Variants in RBFOX1 observed in about 807,000 individuals in gnomAD.
The protein encoded by RBFOX1 is RNA binding fox-1 homolog 1, also known as RNA binding protein fox-1 homolog 1.
RBFOX1 carries 8 observed loss-of-function variants against 57.7 expected under a neutral mutation model. The observed-to-expected ratio is 0.14, with a 90% CI of 0.08 to 0.25. The LOEUF (loss-of-function observed/expected upper bound fraction) is 0.25, where lower values mean the gene tolerates loss of function less well. Ranked by LOEUF, RBFOX1 falls within the 10% of genes least tolerant of loss-of-function variation. The pLI is 1.00. For missense variants in RBFOX1, 611 were observed against 548.5 expected (o/e 1.11, Z -1.14); for synonymous variants, 326 against 222.4 (o/e 1.47, Z -4.15).
chr16:5,418,453 G>A lies in RBFOX1; in HGVS notation c.220-48763G>A, dbSNP rs114742893. ...AGTGCAAATGTAATGACTGAATTAC[G>A]CCAGGAAAGACCAAATTATTGGTTA... On this transcript the variant is annotated intron_variant, in intron 1 of 2. Coordinates refer to the RBFOX1 transcript ENST00000585867. Among the ~76,000 whole-genome samples the A allele has an allele frequency of 2.9e-3, 444 of 152,212 alleles. 3 individuals are homozygous for A. Among genetic ancestry groups the A allele is most frequent in the African/African-American group, 0.01 (417 of 41,536 alleles).
At chr16:5,960,914 A>G (rs2059734801) in intron 4 of RBFOX1, among the ~76,000 whole-genome samples, 1 of 152,232 alleles carries the variant, frequency 6.6e-6, no homozygotes, top group African/African-American at 2.4e-5. Context: ...CCCATTAAAC[A>G]GAAGGTGGAA....
chr16:7,446,288 C>G (rs1329038150), intron 4 of RBFOX1, among the ~76,000 whole-genome samples: 3 of 152,130 alleles, frequency 2.0e-5, no homozygotes, highest in African/African-American at 7.2e-5. Context: ...GATTGAGTTG[C>G]TTGTCACTTG....
At position 6,206,782 on chromosome 16, in the gene RBFOX1, C is replaced by T. The variant is rs1296446047; in HGVS notation, c.-126-110213C>T. Among the ~76,000 whole-genome samples the T allele has an allele frequency of 2.6e-5, 4 of 152,268 alleles. No individual in the cohort carries two copies. The East Asian group carries it at 7.7e-4, about 29-fold the overall frequency. ...CAGAAGGTGCAGCAGGCTCTCCCTC[C>T]CTTTTACTTTAATGGTGGGTGATTT... On this transcript the variant is annotated intron_variant, in intron 1 of 15. Coordinates refer to ENST00000550418, the MANE Select transcript of RBFOX1 (RefSeq NM_018723.4).
At chr16:7,117,366 C>A (rs1054707055) in intron 4 of RBFOX1, among the ~76,000 whole-genome samples, 7 of 152,112 alleles carry the variant, frequency 4.6e-5, no homozygotes, top group Admixed American at 2.6e-4. Context: ...ATGTGTTTTT[C>A]TGTAAAGTAT....
chr16:6,495,326 C>T (rs944239985), intron 2 of RBFOX1, among the ~76,000 whole-genome samples: 4 of 152,196 alleles, frequency 2.6e-5, no homozygotes, highest in South Asian at 2.1e-4. Flanking sequence ...ACCATGTTTT[C>T]CAGGCTGGTC....
At chr16:6,245,267 C>T (rs757126950) in intron 1 of RBFOX1, among the ~76,000 whole-genome samples, 15 of 151,948 alleles carry the variant, frequency 9.9e-5, no homozygotes, top group Admixed American at 2.0e-4. Context: ...TTCTTATTTG[C>T]GCTTTCTTGT....
chr16:7,273,208 T>TCCTTCCTC (rs2095368470), intron 4 of RBFOX1, among the ~76,000 whole-genome samples: 1 of 75,910 alleles, frequency 1.3e-5, no homozygotes, highest in Non-Finnish European at 2.5e-5. Context: ...CTCCCTCCCT[T>TCCTTCCTC]CCTTCCTTCC....
Position 6,895,123 on chromosome 16 carries a change from A to C in RBFOX1, c.-15-156934A>C, listed in dbSNP as rs189631954. On this transcript the variant is annotated intron_variant, in intron 3 of 15. Transcript: ENST00000550418. ...AAAGTCTGGTCCTCTTTTCCATAGA[A>C]GTTCAGTTCAGAGAAGCACCAAATC... Among the ~76,000 whole-genome samples, 787 of 152,240 alleles carry C rather than the reference A, an allele frequency of 5.2e-3. 6 individuals carry two copies. The highest frequency in any genetic ancestry group is 0.018 in the African/African-American group (754 of 41,550).
intron 3 of RBFOX1, among the ~76,000 whole-genome samples, chr16:5,794,521 T>C (rs2054811174): frequency 6.6e-6 from 1 of 152,066 alleles, no homozygotes; most frequent in Non-Finnish European, 1.5e-5. Context: ...CGTGTGTGTG[T>C]GTGTGTGTGG....
chr16:6,697,729 C>G (rs911826996), intron 3 of RBFOX1, among the ~76,000 whole-genome samples: 2 of 152,126 alleles, frequency 1.3e-5, no homozygotes, highest in African/African-American at 4.8e-5. Context: ...AAGAAACAGG[C>G]TGTTGTCCAA....
intron 3 of RBFOX1, among the ~76,000 whole-genome samples, chr16:6,892,412 A>G (rs567994194): frequency 4.6e-5 from 7 of 152,252 alleles, no homozygotes; most frequent in African/African-American, 1.7e-4. Flanking sequence ...GCTCACACCT[A>G]TAATTCCAGC....
At chr16:6,997,775 C>G (rs1478679675) in intron 3 of RBFOX1, among the ~76,000 whole-genome samples, 1 of 152,102 alleles carries the variant, frequency 6.6e-6, no homozygotes, top group African/African-American at 2.4e-5. Context: ...CTACAGACTA[C>G]TCAATTCCCT....
intron 4 of RBFOX1, among the ~76,000 whole-genome samples, chr16:7,189,586 C>CACACACACACACAG (rs1291219168): frequency 2.3e-4 from 33 of 146,022 alleles, no homozygotes; most frequent in African/African-American, 7.2e-4. Context: ...CACACACACA[C>CACACACACACACAG]ATACACACAC....
chr16:7,106,192 CTTTTT>C (rs1309271615), intron 4 of RBFOX1, among the ~76,000 whole-genome samples: 1 of 152,078 alleles, frequency 6.6e-6, no homozygotes, highest in African/African-American at 2.4e-5. Flanking sequence ...CCTGTGGGCT[CTTTTT>C]TGTTTTCGTG....
intron 3 of RBFOX1, among the ~76,000 whole-genome samples, chr16:6,837,639 C>G (rs1022641039): frequency 1.3e-5 from 2 of 152,174 alleles, no homozygotes; most frequent in Non-Finnish European, 2.9e-5. Flanking sequence ...CTCTCTAAGC[C>G]TCACTCCCTC....
intron 3 of RBFOX1, among the ~76,000 whole-genome samples, chr16:6,884,179 G>A (rs1318811166): frequency 6.6e-6 from 1 of 152,208 alleles, no homozygotes; most frequent in Non-Finnish European, 1.5e-5. Flanking sequence ...GGCCCCTTCT[G>A]CTCACAGGGC....
intron 3 of RBFOX1, among the ~76,000 whole-genome samples, chr16:6,779,625 C>G (rs868484430): frequency 6.8e-6 from 1 of 146,038 alleles, no homozygotes; most frequent in Middle Eastern, 3.5e-3. Flanking sequence ...AACTTACGTT[C>G]CCACCAATAG....
chr16:7,691,774 C>G (rs536003222), intron 14 of RBFOX1, among the ~76,000 whole-genome samples: 2 of 152,124 alleles, frequency 1.3e-5, no homozygotes, highest in Admixed American at 6.6e-5. Context: ...GCAATCTGTT[C>G]TAGGATTAGG....
chr16:7,137,567 C>A (rs989416467), intron 4 of RBFOX1, among the ~76,000 whole-genome samples: 2 of 152,180 alleles, frequency 1.3e-5, no homozygotes, highest in Non-Finnish European at 2.9e-5. Flanking sequence ...GTCCATTAAA[C>A]CTCCTTTTCT....
Sources: gnomAD v4.1 joint callset for allele counts (sites outside exome capture counted in the v4.1 genomes callset) on GRCh38, gnomAD v4.1.1 for gene constraint, MANE v1.5 for transcripts, NCBI Gene and HGNC (gene_info 2026-07-23, HGNC 2026-07-21) for gene names.